The following PCSK2 variants were observed in gnomAD, a reference collection of about 807,000 sequenced individuals.
PCSK2 encodes proprotein convertase subtilisin/kexin type 2, also known as neuroendocrine convertase 2.
In PCSK2, 14 loss-of-function variants were observed where a neutral mutation model predicts 69.7. The observed-to-expected ratio is 0.20, with a 90% CI of 0.13 to 0.31. The LOEUF is 0.31. PCSK2 is among the 10% of genes least tolerant of loss of function. PCSK2 has a pLI of 1.00. For missense variants in PCSK2, 544 were observed against 842.5 expected (o/e 0.65, Z 4.39); for synonymous variants, 307 against 320.7 (o/e 0.96, Z 0.46).
chr20:17,245,687 T>C (rs1029713624), intron 1 of PCSK2, among the ~76,000 whole-genome samples: 3 of 152,210 alleles, frequency 2.0e-5, no homozygotes, highest in African/African-American at 7.2e-5. Flanking sequence ...TTCAATCTCA[T>C]GAGTTTCTTT....
At chr20:17,303,718 A>T (rs1425143833) in intron 2 of PCSK2, among the ~76,000 whole-genome samples, 1 of 146,854 alleles carries the variant, frequency 6.8e-6, no homozygotes, top group African/African-American at 2.5e-5. Context: ...CTGGGACTAC[A>T]GGCACGTGCC....
intron 2 of PCSK2, among the ~76,000 whole-genome samples, chr20:17,313,858 A>C (rs1989593629): frequency 6.6e-6 from 1 of 152,196 alleles, no homozygotes; most frequent in Non-Finnish European, 1.5e-5. Context: ...TTTGAAGAAC[A>C]GTTCCTAATA....
intron 2 of PCSK2, among the ~76,000 whole-genome samples, chr20:17,272,060 C>T (rs1212141221): frequency 1.3e-5 from 2 of 152,142 alleles, no homozygotes; most frequent in Non-Finnish European, 2.9e-5. Flanking sequence ...CCAAATTAAT[C>T]TATCTTCCAT....
intron 1 of PCSK2, among the ~76,000 whole-genome samples, chr20:17,235,239 G>A (rs1986296110): frequency 6.6e-6 from 1 of 152,160 alleles, no homozygotes; most frequent in South Asian, 2.1e-4. Context: ...TACATTGAAA[G>A]TAGAACAATG....
At chr20:17,242,396 C>T (rs1309271631) in intron 1 of PCSK2, among the ~76,000 whole-genome samples, 1 of 152,118 alleles carries the variant, frequency 6.6e-6, no homozygotes, top group Non-Finnish European at 1.5e-5. Flanking sequence ...GTGTGTTGAG[C>T]CCTATGAAGA....
chr20:17,414,787 T>G (rs1162477836), intron 6 of PCSK2, among the ~76,000 whole-genome samples: 1 of 152,196 alleles, frequency 6.6e-6, no homozygotes, highest in Non-Finnish European at 1.5e-5. Context: ...AAATCCTCAA[T>G]AAAATACTGG....
chr20:17,430,228 GAGAGACACAGAC>G (rs1314430474), intron 7 of PCSK2, among the ~76,000 whole-genome samples: 1 of 152,132 alleles, frequency 6.6e-6, no homozygotes, highest in Non-Finnish European at 1.5e-5. Context: ...AAAAAAGAGA[GAGAGACACAGAC>G]AGAGACAGAG....
At chr20:17,257,259 C>A (rs939410220) in intron 1 of PCSK2, among the ~76,000 whole-genome samples, 3 of 152,096 alleles carry the variant, frequency 2.0e-5, no homozygotes, top group Admixed American at 6.6e-5. Context: ...GATCATTAAA[C>A]AGCCAGGAAA....
intron 2 of PCSK2, among the ~76,000 whole-genome samples, chr20:17,267,979 C>T (rs73249818): frequency 1.5e-3 from 223 of 149,122 alleles, no homozygotes; most frequent in African/African-American, 5.3e-3. Context: ...TCACCTGATT[C>T]CCTCCCCAAC....
At chr20:17,430,679 C>T (rs2032345210) in intron 7 of PCSK2, among the ~76,000 whole-genome samples, 1 of 152,164 alleles carries the variant, frequency 6.6e-6, no homozygotes. Context: ...ATTAAAATGT[C>T]AGGAGCCATT....
chr20:17,442,601 C>T (rs2032620358), intron 8 of PCSK2, among the ~76,000 whole-genome samples: 1 of 152,142 alleles, frequency 6.6e-6, no homozygotes, highest in African/African-American at 2.4e-5. Context: ...TCCCTCCCTC[C>T]CTTCTCTGAT....
intron 1 of PCSK2, among the ~76,000 whole-genome samples, chr20:17,254,501 G>A (rs1028410832): frequency 6.6e-6 from 1 of 152,056 alleles, no homozygotes; most frequent in Non-Finnish European, 1.5e-5. Flanking sequence ...AAAATCAATT[G>A]ACCATAAGTT....
intron 2 of PCSK2, among the ~76,000 whole-genome samples, chr20:17,335,892 GTA>G (rs1491018382): frequency 1.9e-4 from 28 of 148,678 alleles, no homozygotes; most frequent in Admixed American, 1.4e-3. Flanking sequence ...GTGTGTGTGT[GTA>G]TCATATTTTC....
At chr20:17,308,781 GA>G (rs1407085586) in intron 2 of PCSK2, among the ~76,000 whole-genome samples, 11 of 152,064 alleles carry the variant, frequency 7.2e-5, no homozygotes. Flanking sequence ...GTTTTCGTGG[GA>G]GCATTTGAAC....
chr20:17,412,035 T>C (rs2031886669), intron 6 of PCSK2, among the ~76,000 whole-genome samples: 1 of 152,028 alleles, frequency 6.6e-6, no homozygotes, highest in South Asian at 2.1e-4. Flanking sequence ...ATCACCAACA[T>C]CAAAGACCAA....
At chr20:17,297,972 G>A (rs6111492) in intron 2 of PCSK2, among the ~76,000 whole-genome samples, 30,211 of 152,100 alleles carry the variant, frequency 0.2, 3,558 homozygotes, top group Middle Eastern at 0.29. Flanking sequence ...AAATACATTT[G>A]CTCTTATAAC....
chr20:17,402,524 A>G (rs2031661953), intron 5 of PCSK2, among the ~76,000 whole-genome samples: 1 of 152,138 alleles, frequency 6.6e-6, no homozygotes, highest in East Asian at 1.9e-4. Flanking sequence ...TTAGCCAGGC[A>G]TGGTGGCACA....
chr20:17,444,175 T>A (rs1224502940), intron 8 of PCSK2, among the ~76,000 whole-genome samples: 2 of 152,244 alleles, frequency 1.3e-5, no homozygotes, highest in East Asian at 1.9e-4. Context: ...GAGAATTACC[T>A]GTTACACAAG....
chr20:17,429,575 A>C, intron 7 of PCSK2, 52 bp downstream of exon 7: 714 of 1,189,676 alleles, frequency 6.0e-4, no homozygotes, highest in Non-Finnish European at 8.0e-4. Flanking sequence ...CACTGATCTC[A>C]AGGCTGACTG....
Sources: gnomAD v4.1 joint callset for allele counts (sites outside exome capture counted in the v4.1 genomes callset) on GRCh38, gnomAD v4.1.1 for gene constraint, MANE v1.5 for transcripts, NCBI Gene and HGNC (gene_info 2026-07-23, HGNC 2026-07-21) for gene names.